Variants in NREP observed in about 807,000 individuals in gnomAD.
NREP encodes neuronal regeneration related protein.
In NREP, 5 loss-of-function variants were observed where a neutral mutation model predicts 8.6. The observed-to-expected ratio is 0.58, with a 90% confidence interval of 0.30 to 1.22. NREP has a LOEUF of 1.22. NREP is among the 50% of genes most tolerant of loss of function. The pLI is 0.07. For missense variants in NREP, 86 were observed against 82.5 expected (o/e 1.04, Z -0.17); for synonymous variants, 27 against 28.0 (o/e 0.96, Z 0.11).
At chr5:111,757,929 T>C (rs1462727610), upstream of NREP, 2 of 985,278 alleles carry the variant, frequency 2.0e-6, no homozygotes, top group Non-Finnish European at 2.4e-6. Flanking sequence ...GCGCGGCCCG[T>C]ACTGTAATAA....
At chr5:111,967,914 C>A (rs1033038321) in intron 2 of NREP, among the ~76,000 whole-genome samples, 1 of 151,892 alleles carries the variant, frequency 6.6e-6, no homozygotes, top group African/African-American at 2.4e-5. Context: ...TTTTAAATTG[C>A]TTCTACCATG....
At chr5:111,780,030 C>A (rs1561663511) in intron 2 of NREP, among the ~76,000 whole-genome samples, 1 of 152,210 alleles carries the variant, frequency 6.6e-6, no homozygotes, top group African/African-American at 2.4e-5. Flanking sequence ...TGATCCAATG[C>A]ACGCTAGTGC....
intron 2 of NREP, among the ~76,000 whole-genome samples, chr5:111,736,841 C>CAAGT (rs924994895): frequency 3.9e-5 from 6 of 152,136 alleles, no homozygotes; most frequent in African/African-American, 1.4e-4. Context: ...CGACTTGCCC[C>CAAGT]AAGTCACACA....
intron 2 of NREP, among the ~76,000 whole-genome samples, chr5:111,770,190 C>T (rs1414671287): frequency 6.6e-6 from 1 of 152,160 alleles, no homozygotes; most frequent in Non-Finnish European, 1.5e-5. Context: ...TTTATAACCC[C>T]AATGTCTGAG....
chr5:111,757,824 A>G (rs988993418), upstream of NREP: 20 of 961,906 alleles, frequency 2.1e-5, no homozygotes, highest in African/African-American at 3.3e-4. Context: ...CAGACAAATA[A>G]GGAGGTGGAG....
intron 2 of NREP, among the ~76,000 whole-genome samples, chr5:111,859,039 C>T (rs1342502891): frequency 2.0e-5 from 3 of 152,126 alleles, no homozygotes; most frequent in African/African-American, 7.2e-5. Context: ...CAGCACTGCA[C>T]AGGGGTAGAT....
chr5:111,926,695 T>A (rs1203950663), intron 2 of NREP, among the ~76,000 whole-genome samples: 1 of 151,980 alleles, frequency 6.6e-6, no homozygotes, highest in African/African-American at 2.4e-5. Flanking sequence ...GATGGTTTGT[T>A]ACCCATCTAG....
At chr5:111,758,335 CA>C, upstream of NREP, 1 of 799,298 alleles carries the variant, frequency 1.3e-6, no homozygotes, top group Non-Finnish European at 1.5e-6. Context: ...TACGCTCCCC[CA>C]CTGCCTGCCC....
intron 2 of NREP, among the ~76,000 whole-genome samples, chr5:111,913,791 T>A (rs1754978891): frequency 6.6e-6 from 1 of 152,052 alleles, no homozygotes; most frequent in South Asian, 2.1e-4. Context: ...ATGAGGCTAT[T>A]ACTACAAAAA....
intron 2 of NREP, among the ~76,000 whole-genome samples, chr5:111,910,999 T>C (rs554046934): frequency 3.9e-5 from 6 of 152,114 alleles, no homozygotes; most frequent in Admixed American, 2.6e-4. Flanking sequence ...AGGATACTGT[T>C]TGAGCACCAC....
At chr5:111,835,937 A>G (rs1246551139) in intron 2 of NREP, among the ~76,000 whole-genome samples, 1 of 152,126 alleles carries the variant, frequency 6.6e-6, no homozygotes, top group Non-Finnish European at 1.5e-5. Flanking sequence ...AAGAAAATGG[A>G]TGCAGATGTA....
At chr5:111,925,238 G>T (rs983100503) in intron 2 of NREP, among the ~76,000 whole-genome samples, 1 of 144,732 alleles carries the variant, frequency 6.9e-6, no homozygotes, top group Non-Finnish European at 1.6e-5. Context: ...TTCTGCTGGA[G>T]CATTTGGGAG....
chr5:111,905,710 A>C (rs1207476117), intron 2 of NREP, among the ~76,000 whole-genome samples: 1 of 152,152 alleles, frequency 6.6e-6, no homozygotes, highest in Non-Finnish European at 1.5e-5. Context: ...AAAACACCAA[A>C]GCTAAGAGTA....
intron 2 of NREP, among the ~76,000 whole-genome samples, chr5:111,849,469 T>C (rs1753258131): frequency 6.6e-6 from 1 of 152,142 alleles, no homozygotes; most frequent in South Asian, 2.1e-4. Flanking sequence ...TTAAAAGCAC[T>C]GAGGAGCCAA....
At chr5:111,894,948 C>G (rs1494592) in intron 2 of NREP, among the ~76,000 whole-genome samples, 91,175 of 152,042 alleles carry the variant, frequency 0.6, 27,764 homozygotes, top group Non-Finnish European at 0.65. Context: ...ATCTGAAGTA[C>G]AGAATGTCTA....
downstream of NREP, chr5:111,728,998 T>TG (rs1748328706): frequency 2.0e-5 from 3 of 152,158 alleles, no homozygotes. Flanking sequence ...GAGTAAGTTT[T>TG]GAAGCGTATG....
intron 2 of NREP, among the ~76,000 whole-genome samples, chr5:111,957,211 T>A (rs1756349481): frequency 6.6e-6 from 1 of 151,846 alleles, no homozygotes; most frequent in South Asian, 2.1e-4. Context: ...ATCAGGAATT[T>A]AAAATGGTAA....
At chr5:111,877,383 A>G (rs1753934708) in intron 2 of NREP, among the ~76,000 whole-genome samples, 1 of 152,158 alleles carries the variant, frequency 6.6e-6, no homozygotes, top group Non-Finnish European at 1.5e-5. Context: ...ATAATTTTCC[A>G]CCCTCTATAC....
intron 2 of NREP, among the ~76,000 whole-genome samples, chr5:111,746,258 A>G (rs1749996665): frequency 6.6e-6 from 1 of 152,164 alleles, no homozygotes; most frequent in African/African-American, 2.4e-5. Flanking sequence ...AAAAAAAGGA[A>G]AAACAGGTTT....
Sources: gnomAD v4.1 joint callset for allele counts (sites outside exome capture counted in the v4.1 genomes callset) on GRCh38, gnomAD v4.1.1 for gene constraint, MANE v1.5 for transcripts, NCBI Gene and HGNC (gene_info 2026-07-23, HGNC 2026-07-21) for gene names.